ARHGAP21: variants seen among roughly 807,000 people sequenced by gnomAD.
ARHGAP21 encodes the protein Rho GTPase activating protein 21.
ARHGAP21 carries 38 observed loss-of-function variants against 164.6 expected under a neutral mutation model. The observed-to-expected ratio is 0.23, with a 90% CI of 0.18 to 0.30. ARHGAP21 has a LOEUF of 0.30. ARHGAP21 is among the 10% of genes least tolerant of loss of function. ARHGAP21 has a pLI of 1.00. For missense variants in ARHGAP21, 1,822 were observed against 2,370.7 expected (o/e 0.77, Z 4.81); for synonymous variants, 766 against 857.9 (o/e 0.89, Z 1.87).
intron 2 of ARHGAP21, among the ~76,000 whole-genome samples, chr10:24,694,275 G>A (rs932413293): frequency 6.6e-6 from 1 of 152,214 alleles, no homozygotes; most frequent in African/African-American, 2.4e-5. Flanking sequence ...TATTGCACAA[G>A]AAAGAATTAA....
Position 24,585,401 on chromosome 10 carries a change from C to T in ARHGAP21, c.4888G>A (p.Gly1630Arg). The change falls in exon 26 of 26, where the codon GGG becomes AGG. Residue 1630 changes from glycine to arginine, a missense_variant. Coordinates refer to ENST00000396432, the MANE Select transcript of ARHGAP21 (RefSeq NM_020824.4). Reference protein sequence around the residue: ...DDERSELISEGRPVETDSESE... With the variant: ...DDERSELISERRPVETDSESE... ...TCGCTGTCGGTTTCCACAGGCCGCC[C>T]TTCACTGATGAGTTCGCTTCTCTCG... The T allele has an allele frequency of 6.2e-7, 1 of 1,614,092 alleles. No individual in the cohort carries two copies. The highest frequency in any genetic ancestry group is 8.5e-7 in the Non-Finnish European group (1 of 1,180,040).
chr10:24,714,830 C>T (rs1399373452), intron 2 of ARHGAP21, among the ~76,000 whole-genome samples: 1 of 151,728 alleles, frequency 6.6e-6, no homozygotes, highest in Non-Finnish European at 1.5e-5. Context: ...GTCAGGAGAT[C>T]GAGACCATCC....
chr10:24,723,030 C>T (rs1046786023), intron 1 of ARHGAP21: 1 of 152,124 alleles, frequency 6.6e-6, no homozygotes, highest in African/African-American at 2.4e-5. Flanking sequence ...CCACCCACCT[C>T]CCCACGATTC....
At chr10:24,610,483 T>C (rs1261529523) in intron 9 of ARHGAP21, among the ~76,000 whole-genome samples, 1 of 151,942 alleles carries the variant, frequency 6.6e-6, no homozygotes, top group Non-Finnish European at 1.5e-5. Flanking sequence ...CAAAATTCAA[T>C]GTGGCTACTG....
At chr10:24,633,534 AAC>A in intron 5 of ARHGAP21, 54 bp from the exon 6 acceptor site, 5 of 1,191,064 alleles carry the variant, frequency 4.2e-6, no homozygotes, top group Non-Finnish European at 6.1e-6. Context: ...GTCACTTTTG[AAC>A]ACTTTTGAAA....
At position 24,722,232 on chromosome 10, in the gene ARHGAP21, A is replaced by C; in HGVS notation, c.-333T>G. The stretch of plus-strand genomic sequence containing the variant: ...CCAGTGCCACTCCTGAGTCCTGGAA[A>C]AATCCGAATGGGTCGTGAAGGTTCG... On this transcript the variant is annotated 5_prime_UTR_variant, in exon 2 of 26. Coordinates refer to ENST00000396432, the MANE Select transcript of ARHGAP21 (RefSeq NM_020824.4). 2.7e-6 allele frequency: 1 copy of C among 366,864 alleles called. No individual in the cohort carries two copies. The allele number at this position is 366,864 out of a possible 1,614,324, so 22.7% of individuals were successfully genotyped here.
chr10:24,721,278 G>C (rs546049038), intron 2 of ARHGAP21, among the ~76,000 whole-genome samples: 1 of 152,176 alleles, frequency 6.6e-6, no homozygotes, highest in African/African-American at 2.4e-5. Context: ...GACTCTGTAA[G>C]GTCGTTTTCC....
intron 2 of ARHGAP21, among the ~76,000 whole-genome samples, chr10:24,713,597 G>A (rs1413024034): frequency 1.3e-4 from 19 of 151,388 alleles, no homozygotes; most frequent in Admixed American, 6.6e-5. Context: ...AACTAGAAGA[G>A]GACTTATAAA....
rs202240238 is a variant in ARHGAP21 at position 24,720,994 on chromosome 10, GA to G, written c.63+842del. Among the ~76,000 whole-genome samples the G allele has an allele frequency of 1.4e-3, 195 of 144,276 alleles. 1 individual carries two copies. The highest frequency in any genetic ancestry group is 3.6e-3 in the Middle Eastern group (1 of 276). The allele number at this position is 144,276 out of a possible 152,430, so 94.7% of individuals were successfully genotyped here. On this transcript the variant is annotated intron_variant, in intron 2 of 25. Coordinates refer to ENST00000396432, the MANE Select transcript of ARHGAP21 (RefSeq NM_020824.4). ...GAATACTTCAATCTCCAAACACGAG[GA>G]AAAAAAAAAAAGGTGAGAGGCAACA...
intron 4 of ARHGAP21, among the ~76,000 whole-genome samples, chr10:24,660,386 T>TAAAAAAA (rs56053080): frequency 0.013 from 774 of 59,984 alleles, 58 homozygotes; most frequent in African/African-American, 0.029. Context: ...CTCTCTCTCT[T>TAAAAAAA]AAAAAAAAAA....
At chr10:24,598,984 T>C (rs1307236945) in intron 14 of ARHGAP21, among the ~76,000 whole-genome samples, 1 of 152,212 alleles carries the variant, frequency 6.6e-6, no homozygotes, top group African/African-American at 2.4e-5. Flanking sequence ...TTAATGCATG[T>C]AGTATGTTTA....
chr10:24,633,272 A>G (rs1836016882), intron 6 of ARHGAP21, 130 bp downstream of exon 6: 4 of 643,752 alleles, frequency 6.2e-6, no homozygotes, highest in Non-Finnish European at 7.6e-6. Flanking sequence ...CAAATGCATT[A>G]TATCTAAGGG....
intron 8 of ARHGAP21, among the ~76,000 whole-genome samples, chr10:24,622,254 G>C (rs981801633): frequency 2.0e-5 from 3 of 151,416 alleles, no homozygotes; most frequent in African/African-American, 7.3e-5. Context: ...GCAACACAGG[G>C]ACTATGTTCA....
rs2076045459 is a variant in ARHGAP21 at position 24,585,071 on chromosome 10, CT to C, written c.5217del (p.Gly1740GlufsTer8). On this transcript the variant is annotated frameshift_variant, in exon 26 of 26. Transcript: ENST00000396432. LOFTEE classifies it low-confidence loss of function (END_TRUNC). The part of the protein sequence containing the change: ...SLTKVFDVMK[K>X]GKSTGSLLTP... ...GTCAGTAAACTCCCAGTTGACTTTC[CT>C]TTTTTCATAACATCAAACACTTTAG... The C allele has an allele frequency of 6.2e-7, 1 of 1,613,600 alleles. No homozygotes were observed. The highest frequency in any genetic ancestry group is 1.7e-5 in the Admixed American group (1 of 59,936).
intron 14 of ARHGAP21, 142 bp downstream of exon 14, chr10:24,600,504 A>G (rs1337621653): frequency 1.9e-6 from 2 of 1,036,452 alleles, no homozygotes; most frequent in Non-Finnish European, 2.7e-6. Context: ...GGTATGTTTG[A>G]GTTTTCCTTT....
At chr10:24,679,408 A>G (rs1449952338) in intron 2 of ARHGAP21, among the ~76,000 whole-genome samples, 1 of 152,196 alleles carries the variant, frequency 6.6e-6, no homozygotes, top group East Asian at 1.9e-4. Flanking sequence ...ATCCTCAGAA[A>G]CTAATCTCCC....
chr10:24,682,464 C>A (rs766276948), intron 2 of ARHGAP21, among the ~76,000 whole-genome samples: 7 of 152,134 alleles, frequency 4.6e-5, no homozygotes, highest in Admixed American at 1.3e-4. Flanking sequence ...AGTCCTAATG[C>A]CACAGAGATC....
chr10:24,667,593 G>C (rs1840317671), intron 3 of ARHGAP21, among the ~76,000 whole-genome samples: 3 of 152,146 alleles, frequency 2.0e-5, no homozygotes, highest in Non-Finnish European at 4.4e-5. Context: ...TGGAAAATTA[G>C]AAAAGAAACC....
chr10:24,661,960 A>G (rs1021349150), intron 4 of ARHGAP21, among the ~76,000 whole-genome samples: 2 of 152,208 alleles, frequency 1.3e-5, no homozygotes, highest in Non-Finnish European at 2.9e-5. Context: ...TGAGACCCCA[A>G]CGATCAACTG....
Sources: gnomAD v4.1 joint callset for allele counts (sites outside exome capture counted in the v4.1 genomes callset) on GRCh38, gnomAD v4.1.1 for gene constraint, MANE v1.5 for transcripts, NCBI Gene and HGNC (gene_info 2026-07-23, HGNC 2026-07-21) for gene names.